The following UNC5D variants were observed in gnomAD, a reference collection of about 807,000 sequenced individuals.
UNC5D encodes unc-5 netrin receptor D, also known as netrin receptor UNC5D.
A neutral mutation model predicts 105.4 loss-of-function variants in UNC5D; 39 were observed. The observed-to-expected ratio is 0.37, with a 90% CI of 0.29 to 0.48. The LOEUF (loss-of-function observed/expected upper bound fraction) is 0.48. UNC5D is among the 20% of genes least tolerant of loss of function. UNC5D has a pLI of 0.98. For synonymous variants in UNC5D, 452 were observed against 450.4 expected (o/e 1.00, Z -0.04); for missense variants, 991 against 1,202.4 (o/e 0.82, Z 2.60).
intron 13 of UNC5D, among the ~76,000 whole-genome samples, chr8:35,755,721 C>G (rs567725306): frequency 6.6e-6 from 1 of 152,254 alleles, no homozygotes; most frequent in Admixed American, 6.6e-5. Context: ...CCATCCAGAG[C>G]CTTCAGGTGC....
At chr8:35,303,646 T>C (rs548958438) in intron 1 of UNC5D, among the ~76,000 whole-genome samples, 2 of 152,160 alleles carry the variant, frequency 1.3e-5, no homozygotes, top group Non-Finnish European at 2.9e-5. Context: ...CATTCTCTCC[T>C]CTGCTTTTTG....
chr8:35,416,437 C>G (rs1805541161), intron 1 of UNC5D, among the ~76,000 whole-genome samples: 1 of 152,132 alleles, frequency 6.6e-6, no homozygotes, highest in Non-Finnish European at 1.5e-5. Flanking sequence ...ACATTTAAAT[C>G]TGGCATTTGG....
At chr8:35,533,893 C>T (rs1465935309) in intron 1 of UNC5D, among the ~76,000 whole-genome samples, 1 of 152,188 alleles carries the variant, frequency 6.6e-6, no homozygotes, top group African/African-American at 2.4e-5. Flanking sequence ...CAATGCCTCG[C>T]CATGCTTCGG....
chr8:35,246,392 C>T (rs1803099475), intron 1 of UNC5D, among the ~76,000 whole-genome samples: 1 of 152,098 alleles, frequency 6.6e-6, no homozygotes, highest in Non-Finnish European at 1.5e-5. Flanking sequence ...AATGTACCAA[C>T]TATAAGAGAA....
intron 1 of UNC5D, among the ~76,000 whole-genome samples, chr8:35,357,328 T>C (rs1801613786): frequency 6.6e-6 from 1 of 152,210 alleles, no homozygotes; most frequent in Non-Finnish European, 1.5e-5. Flanking sequence ...TGTTTCCTTT[T>C]CTCACTTGAT....
At chr8:35,658,414 G>A (rs933371511) in intron 4 of UNC5D, among the ~76,000 whole-genome samples, 6 of 152,090 alleles carry the variant, frequency 3.9e-5, no homozygotes, top group African/African-American at 1.4e-4. Context: ...TTGAAGCCAG[G>A]GGATATGTCT....
At chr8:35,350,996 T>C (rs1812196651) in intron 1 of UNC5D, among the ~76,000 whole-genome samples, 1 of 152,118 alleles carries the variant, frequency 6.6e-6, no homozygotes, top group Non-Finnish European at 1.5e-5. Context: ...AGACTGTATC[T>C]TGAGACTGCA....
intron 7 of UNC5D, among the ~76,000 whole-genome samples, chr8:35,701,147 G>A (rs565923697): frequency 2.6e-5 from 4 of 152,278 alleles, no homozygotes; most frequent in East Asian, 3.9e-4. Flanking sequence ...TGACGTATTC[G>A]AATTGCTGCT....
chr8:35,354,898 A>G lies in UNC5D; in HGVS notation c.103+119011A>G, dbSNP rs80242782. ...GATTCTCTGTGACCAGTCCTTCCAC[A>G]TGACATATTATCCTAAATGGTCTTT... On this transcript the variant is annotated intron_variant, in intron 1 of 16. Coordinates refer to ENST00000404895, the MANE Select transcript of UNC5D (RefSeq NM_080872.4). Among the ~76,000 whole-genome samples, 1,351 of 152,246 alleles carry G rather than the reference A, an allele frequency of 8.9e-3. 15 individuals carry two copies. Among genetic ancestry groups the G allele is most frequent in the Non-Finnish European group, 0.012 (813 of 68,024 alleles).
At chr8:35,357,517 G>A (rs114055471) in intron 1 of UNC5D, among the ~76,000 whole-genome samples, 1 of 152,144 alleles carries the variant, frequency 6.6e-6, no homozygotes, top group African/African-American at 2.4e-5. Flanking sequence ...CACCGAAGCA[G>A]GTTAATTCTA....
At chr8:35,744,293 C>T (rs1291679736) in intron 11 of UNC5D, among the ~76,000 whole-genome samples, 1 of 152,138 alleles carries the variant, frequency 6.6e-6, no homozygotes, top group Non-Finnish European at 1.5e-5. Context: ...GTCATTCATG[C>T]TAGGTGGTGT....
At chr8:35,726,023 T>C in intron 9 of UNC5D, 129 bp from the exon 10 acceptor site, 4 of 1,297,550 alleles carry the variant, frequency 3.1e-6, no homozygotes, top group Non-Finnish European at 3.1e-6. Flanking sequence ...AGGGTGGTCC[T>C]GAAGAGCTAG....
chr8:35,487,496 C>A (rs1400192582), intron 1 of UNC5D, among the ~76,000 whole-genome samples: 1 of 151,998 alleles, frequency 6.6e-6, no homozygotes, highest in African/African-American at 2.4e-5. Context: ...CGATTTTAGA[C>A]ATATCTAGCC....
At chr8:35,341,636 A>G (rs1214206343) in intron 1 of UNC5D, among the ~76,000 whole-genome samples, 1 of 152,096 alleles carries the variant, frequency 6.6e-6, no homozygotes, top group Non-Finnish European at 1.5e-5. Context: ...GAGATGCTTA[A>G]TAATCATGTA....
At chr8:35,248,741 TA>T (rs1803404239) in intron 1 of UNC5D, among the ~76,000 whole-genome samples, 2 of 96,960 alleles carry the variant, frequency 2.1e-5, no homozygotes, top group Non-Finnish European at 3.5e-5. Context: ...ATATAATATA[TA>T]TAAAATATAT....
chr8:35,520,883 T>C (rs1480311486), intron 1 of UNC5D, among the ~76,000 whole-genome samples: 2 of 152,196 alleles, frequency 1.3e-5, no homozygotes, highest in Non-Finnish European at 2.9e-5. Flanking sequence ...ACAATTCATT[T>C]CTAATTTTAA....
At chr8:35,641,382 A>AAAAAGAAAAAAAAAAAAAAAAC (rs1822720838) in intron 4 of UNC5D, among the ~76,000 whole-genome samples, 1 of 150,564 alleles carries the variant, frequency 6.6e-6, no homozygotes, top group Non-Finnish European at 1.5e-5. Context: ...AAAAAAAAAA[A>AAAAAGAAAAAAAAAAAAAAAAC]AAAGAAAAAA....
intron 1 of UNC5D, among the ~76,000 whole-genome samples, chr8:35,363,219 A>C (rs1801944294): frequency 6.6e-6 from 1 of 152,184 alleles, no homozygotes; most frequent in Non-Finnish European, 1.5e-5. Context: ...TTACAGTTCC[A>C]TGTGTCTTGG....
chr8:35,718,151 G>T (rs1029336841), intron 8 of UNC5D, among the ~76,000 whole-genome samples: 1 of 151,772 alleles, frequency 6.6e-6, no homozygotes, highest in Non-Finnish European at 1.5e-5. Flanking sequence ...CTACCACCTG[G>T]TGAGTCCTCC....
Sources: allele counts gnomAD v4.1 joint callset (sites outside exome capture counted in the v4.1 genomes callset), GRCh38; gene constraint gnomAD v4.1.1; transcripts MANE v1.5; gene names NCBI Gene and HGNC (gene_info 2026-07-23, HGNC 2026-07-21).